The following COL2A1 variants were observed in gnomAD, a reference collection of about 807,000 sequenced individuals.
The protein encoded by COL2A1 is collagen alpha-1(II) chain.
Under a neutral mutation model 204.5 loss-of-function variants are expected in COL2A1, and 28 were observed. The observed-to-expected ratio is 0.14, with a 90% confidence interval of 0.10 to 0.19. The LOEUF is 0.19. Ranked by LOEUF, COL2A1 falls within the 10% of genes least tolerant of loss-of-function variation. The pLI is 1.00. For missense variants in COL2A1, 1,388 were observed against 2,027.5 expected, an observed-to-expected ratio of 0.68 and a Z score of 6.06; for synonymous variants, 708 against 718.7, an observed-to-expected ratio of 0.99 and a Z score of 0.24.
chr12:47,981,658 G>C (rs1034117587), intron 36 of COL2A1, 118 bp downstream of exon 36: 2 of 1,240,284 alleles, frequency 1.6e-6, no homozygotes, highest in African/African-American at 1.5e-5. Context: ...TCACTCCTAC[G>C]GCCTTGGCCG....
At position 47,980,938 on chromosome 12, in the gene COL2A1, G is replaced by C. The variant is rs748306980; in HGVS notation, c.2494C>G (p.Pro832Ala). The change falls in exon 38 of 54, where the codon CCA (proline) becomes GCA (alanine). Residue 832 changes from proline (P) to alanine (A), a missense_variant. This residue lies in a region of COL2A1 where 884 missense variants were observed against 1,415.8 expected (regional missense o/e 0.62). Transcript: ENST00000380518. This position sits in a 1 kb window ranked among gnomAD's most constrained non-coding sequence, Gnocchi z 4.5. Reference sequence around the variant, plus strand: ...ACAGGAGGCCCAGCAAATCCCGCTGGTCCGGGGGGCCCAGTCTCTCCACGT... The same window carrying C: ...ACAGGAGGCCCAGCAAATCCCGCTGCTCCGGGGGGCCCAGTCTCTCCACGT... ...GERGETGPPGPAGFAGPPGAD... is the reference protein window; with the variant it reads ...GERGETGPPGAAGFAGPPGAD... 1.9e-6 allele frequency: 3 copies of C among 1,552,444 alleles called. No individual in the cohort carries two copies. Among genetic ancestry groups the C allele is most frequent in the Admixed American group, 2.0e-5 (1 of 51,178 alleles).
chr12:47,975,432 G>A lies in COL2A1; in HGVS notation c.3771C>T (p.Ala1257=). ...TCTGGTTGTTGAGGGACTTGAGTGT[G>A]GCATCCACCTCGGCGTCATGCTGTC... ...GLRQHDAEVD[A]TLKSLNNQIE... is the part of the protein sequence containing the mutation. The change falls in exon 51 of 54, where the codon GCC becomes GCT. Residue 1257 remains alanine, a synonymous_variant. Transcript: ENST00000380518. 6.2e-7 allele frequency: 1 copy of A among 1,614,168 alleles called. No individual in the cohort carries two copies.
intron 1 of COL2A1, 66 bp downstream of exon 1, chr12:48,004,171 C>T (rs961678883): frequency 2.4e-6 from 3 of 1,236,442 alleles, no homozygotes; most frequent in Admixed American, 2.0e-5. Context: ...TGGAGCGGGC[C>T]GGGGAGAAGG....
chr12:48,004,460 GC>G lies in COL2A1; in HGVS notation c.-140del. On this transcript the variant is annotated 5_prime_UTR_variant, in exon 1 of 54. Coordinates refer to ENST00000380518, the MANE Select transcript of COL2A1 (RefSeq NM_001844.5). ...GGAGGGGGAAGCGGGAGACCCGGCA[GC>G]CCAGCAGCGCTCTGCGTCTTCTCCC... is the stretch of plus-strand genomic sequence containing the variant. The G allele has an allele frequency of 3.5e-6, 2 of 571,356 alleles. No homozygotes were observed. The highest frequency in any genetic ancestry group is 6.1e-5 in the East Asian group (2 of 32,560). 35.4% of individuals were successfully genotyped at this position (571,356 alleles called of 1,614,324 possible). A position where few individuals can be genotyped will look rare whatever the true frequency, so the allele number is the denominator to read the frequency against.
intron 1 of COL2A1, among the ~76,000 whole-genome samples, chr12:48,001,605 G>C (rs1294828964): frequency 6.6e-6 from 1 of 152,208 alleles, no homozygotes; most frequent in South Asian, 2.1e-4. Flanking sequence ...CAGATTTCCC[G>C]GGGAAGGGCG....
intron 45 of COL2A1, 21 bp downstream of exon 45, chr12:47,977,579 A>C (rs774693733): frequency 5.3e-5 from 85 of 1,613,796 alleles, no homozygotes; most frequent in Non-Finnish European, 7.0e-5. Flanking sequence ...CCCACTGCAC[A>C]CACAGACACC....
intron 1 of COL2A1, among the ~76,000 whole-genome samples, chr12:48,001,257 G>C (rs929636045): frequency 1.7e-5 from 1 of 59,366 alleles, no homozygotes; most frequent in Non-Finnish European, 5.2e-5. Context: ...CAAACCCAGA[G>C]GGCGAGAAAG....
intron 37 of COL2A1, 92 bp downstream of exon 37, chr12:47,981,251 C>T: frequency 7.2e-7 from 1 of 1,379,520 alleles, no homozygotes; most frequent in Non-Finnish European, 1.0e-6. Context: ...CACACAGGGC[C>T]ACCAGGCAGC....
intron 16 of COL2A1, among the ~76,000 whole-genome samples, chr12:47,991,271 T>A (rs1939689155): frequency 1.3e-5 from 2 of 152,126 alleles, no homozygotes; most frequent in Admixed American, 1.3e-4. Flanking sequence ...AGGCCAGAAC[T>A]AGGCTGACAT....
At chr12:47,993,760 C>T in intron 14 of COL2A1, 49 bp downstream of exon 14, 1 of 1,595,466 alleles carries the variant, frequency 6.3e-7, no homozygotes, top group Non-Finnish European at 8.6e-7. Context: ...AAGAGGGGCT[C>T]CTCATTGTCT....
intron 27 of COL2A1, 102 bp from the exon 28 acceptor site, chr12:47,984,701 A>G: frequency 1.8e-6 from 2 of 1,134,942 alleles, no homozygotes; most frequent in Non-Finnish European, 2.6e-6. Context: ...ATCCTGATGG[A>G]CAGCCAAGAT....
At chr12:47,993,586 G>T in intron 14 of COL2A1, 84 bp from the exon 15 acceptor site, 1 of 1,285,698 alleles carries the variant, frequency 7.8e-7, no homozygotes, top group Non-Finnish European at 1.1e-6. Flanking sequence ...CAAAAGCCCT[G>T]GTCATCTCAG....
chr12:47,984,580 C>G lies in COL2A1; in HGVS notation c.1853G>C (p.Gly618Ala), dbSNP rs1480620991. Residue 618 changes from glycine (G) to alanine (A), a missense_variant, in exon 28 of 54, where the codon GGT becomes GCT. Physicochemically the swap from Gly to Ala is moderately conservative, Grantham distance 60 (BLOSUM62 0). Around this residue, in one of 3 missense-constraint regions of COL2A1, gnomAD observed 884 missense variants for 1,415.8 expected, o/e 0.62. Coordinates refer to ENST00000380518, the MANE Select transcript of COL2A1 (RefSeq NM_001844.5). ...KGANGEPGKA[G>A]EKGLPGAPGL... ...AGGAGCACCAGGCAGTCCCTTCTCACCAGCTTTGCCAGGCTCACCCTGAAG... is the reference window on the plus strand; with the variant it reads ...AGGAGCACCAGGCAGTCCCTTCTCAGCAGCTTTGCCAGGCTCACCCTGAAG... 1 of 1,614,190 alleles carries G rather than the reference C, an allele frequency of 6.2e-7. No individual in the cohort carries two copies. Among genetic ancestry groups the G allele is most frequent in the South Asian group, 1.1e-5 (1 of 91,084 alleles).
At chr12:47,979,484 G>A in intron 41 of COL2A1, 27 bp downstream of exon 41, 1 of 1,612,932 alleles carries the variant, frequency 6.2e-7, no homozygotes, top group Non-Finnish European at 8.5e-7. Context: ...GCCTGCCTGT[G>A]CCTCTCATGC....
Position 47,978,219 on chromosome 12 carries a change from G to T in COL2A1, c.3003+72C>A. Reference sequence around the variant, plus strand: ...AGGGCAGACAAGGGACAGTCCTGAGGGTGCTGAGGGAGGTAGAAGCCTTGG... The same window carrying T: ...AGGGCAGACAAGGGACAGTCCTGAGTGTGCTGAGGGAGGTAGAAGCCTTGG... On this transcript the variant is annotated intron_variant, in intron 43 of 53. Transcript: ENST00000380518. The surrounding 1 kb of genome is among the most constrained non-coding windows in gnomAD (Gnocchi z 5.5). The T allele has an allele frequency of 6.3e-7, 1 of 1,589,850 alleles. No homozygotes were observed. The highest frequency in any genetic ancestry group is 8.6e-7 in the Non-Finnish European group (1 of 1,162,670).
Position 47,978,829 on chromosome 12 carries a change from G to T in COL2A1, c.2734-71C>A. The T allele has an allele frequency of 6.5e-7, 1 of 1,548,054 alleles. No homozygotes were observed. Among genetic ancestry groups the T allele is most frequent in the Non-Finnish European group, 8.9e-7 (1 of 1,124,574 alleles). ...TCATCCAGGCTGCCAAAGTCACTGT[G>T]GCCTCAGTGACAGCAGTTTCCTCTC... On this transcript the variant is annotated intron_variant, in intron 41 of 53. Coordinates refer to ENST00000380518, the MANE Select transcript of COL2A1 (RefSeq NM_001844.5). The surrounding 1 kb of genome is among the most constrained non-coding windows in gnomAD (Gnocchi z 5.5).
intron 1 of COL2A1, 83 bp downstream of exon 1, chr12:48,004,154 C>G (rs1269063068): frequency 9.0e-7 from 1 of 1,108,394 alleles, no homozygotes; most frequent in Admixed American, 2.0e-5. Flanking sequence ...GCCGCGGGCT[C>G]CAGAGCTGGA....
intron 33 of COL2A1, 27 bp from the exon 34 acceptor site, chr12:47,982,636 G>C (rs753438281): frequency 6.5e-7 from 1 of 1,530,502 alleles, no homozygotes; most frequent in Admixed American, 1.7e-5. Flanking sequence ...GAGGGAGTCT[G>C]TAGTGGACAG....
intron 24 of COL2A1, 35 bp from the exon 25 acceptor site, chr12:47,985,861 T>C (rs762353703): frequency 1.3e-6 from 2 of 1,586,948 alleles, no homozygotes; most frequent in South Asian, 1.1e-5. Context: ...TGGGATACCA[T>C]GTGACCTCAG....
Sources: gnomAD v4.1 joint callset for allele counts (sites outside exome capture counted in the v4.1 genomes callset) on GRCh38, gnomAD v4.1.1 for gene constraint, gnomAD v4.1.1 regional missense constraint, Gnocchi (gnomAD v3.1) non-coding constraint, MANE v1.5 for transcripts, NCBI Gene and HGNC (gene_info 2026-07-23, HGNC 2026-07-21) for gene names.